CCDC3: variants seen among roughly 807,000 people sequenced by gnomAD.
CCDC3 encodes the protein coiled-coil domain containing 3.
CCDC3 carries 24 observed loss-of-function variants against 21.4 expected under a neutral mutation model. The observed-to-expected ratio is 1.12, with a 90% CI of 0.81 to 1.58. The LOEUF is 1.58. Among genes scored for constraint, CCDC3 ranks in the 40% most tolerant of loss-of-function variants. CCDC3 has a pLI of 0.00. For synonymous variants in CCDC3, 186 were observed against 166.0 expected (o/e 1.12, Z -0.93); for missense variants, 425 against 360.9 (o/e 1.18, Z -1.44).
chr10:13,030,084 C>T (rs1349790748), intron 5 of CCDC3, among the ~76,000 whole-genome samples: 1 of 152,144 alleles, frequency 6.6e-6, no homozygotes, highest in Non-Finnish European at 1.5e-5. Context: ...TTAAGGGCAG[C>T]CAGAGAGAAA....
chr10:13,045,113 A>G (rs1156816321), intron 5 of CCDC3, among the ~76,000 whole-genome samples: 2 of 152,096 alleles, frequency 1.3e-5, no homozygotes, highest in African/African-American at 4.8e-5. Context: ...TTAAACTTGT[A>G]TTTCCATTCT....
At chr10:13,046,821 T>G (rs1836536118) in intron 5 of CCDC3, among the ~76,000 whole-genome samples, 1 of 151,906 alleles carries the variant, frequency 6.6e-6, no homozygotes, top group Non-Finnish European at 1.5e-5. Flanking sequence ...TCATCGAAAA[T>G]ATTTAATGAT....
chr10:12,900,554 C>T (rs1018240603), intron 2 of CCDC3, among the ~76,000 whole-genome samples: 4 of 146,072 alleles, frequency 2.7e-5, no homozygotes, highest in Non-Finnish European at 6.0e-5. Context: ...AGCCGGGCGT[C>T]GTGGCGGGTG....
At chr10:12,953,392 C>T (rs904400011) in intron 2 of CCDC3, among the ~76,000 whole-genome samples, 11 of 152,174 alleles carry the variant, frequency 7.2e-5, no homozygotes, top group Non-Finnish European at 1.6e-4. Context: ...GACCCCCTCC[C>T]GCTCCACTAG....
intron 2 of CCDC3, among the ~76,000 whole-genome samples, chr10:12,950,066 T>C (rs1834985076): frequency 6.6e-6 from 1 of 152,210 alleles, no homozygotes; most frequent in East Asian, 1.9e-4. Context: ...CTCTTCTCCA[T>C]GCCTTCACTC....
chr10:12,921,831 C>A (rs1213618838), intron 2 of CCDC3, among the ~76,000 whole-genome samples: 1 of 152,154 alleles, frequency 6.6e-6, no homozygotes, highest in Non-Finnish European at 1.5e-5. Flanking sequence ...AGCCTCGAAA[C>A]TTCTGGGCTC....
intron 3 of CCDC3, among the ~76,000 whole-genome samples, chr10:13,095,647 A>G (rs540559748): frequency 6.6e-6 from 1 of 152,298 alleles, no homozygotes; most frequent in East Asian, 1.9e-4. Flanking sequence ...TGTTCGGTCT[A>G]GTTCCTGAGA....
chr10:13,099,024 T>C, intron 2 of CCDC3: 1 of 149,800 alleles, frequency 6.7e-6, no homozygotes, highest in Non-Finnish European at 1.5e-5. Context: ...CCTCCTGCAC[T>C]GATATAAAAA....
At chr10:12,995,834 G>A (rs1835754273) in intron 2 of CCDC3, among the ~76,000 whole-genome samples, 1 of 152,158 alleles carries the variant, frequency 6.6e-6, no homozygotes. Context: ...AAATAGATCT[G>A]CCTTCAGGCT....
intron 2 of CCDC3, among the ~76,000 whole-genome samples, chr10:12,949,753 C>T (rs1232292082): frequency 6.6e-6 from 1 of 152,176 alleles, no homozygotes; most frequent in Non-Finnish European, 1.5e-5. Context: ...AAAGACTATT[C>T]CAGTCTTAAT....
At chr10:13,028,650 G>C (rs1451999999) in intron 5 of CCDC3, among the ~76,000 whole-genome samples, 1 of 152,182 alleles carries the variant, frequency 6.6e-6, no homozygotes, top group Non-Finnish European at 1.5e-5. Context: ...GTATTGGAGT[G>C]AATTTGTGGA....
chr10:12,979,894 G>A (rs952709075), intron 2 of CCDC3, among the ~76,000 whole-genome samples: 1 of 152,146 alleles, frequency 6.6e-6, no homozygotes, highest in African/African-American at 2.4e-5. Context: ...GCACAGGCCT[G>A]TGCACTTTTG....
chr10:12,950,978 A>G (rs1300116582), intron 2 of CCDC3, among the ~76,000 whole-genome samples: 1 of 152,166 alleles, frequency 6.6e-6, no homozygotes, highest in Non-Finnish European at 1.5e-5. Context: ...CTTCCTCGAT[A>G]ACACGAAGGT....
At chr10:12,939,100 T>C (rs187607275) in intron 2 of CCDC3, among the ~76,000 whole-genome samples, 124 of 146,154 alleles carry the variant, frequency 8.5e-4, no homozygotes, top group Admixed American at 2.1e-3. Flanking sequence ...GTCAGCTCTC[T>C]TTCCCAGTCT....
intron 2 of CCDC3, among the ~76,000 whole-genome samples, chr10:12,991,666 T>C (rs553741659): frequency 1.1e-4 from 16 of 152,278 alleles, no homozygotes; most frequent in South Asian, 6.2e-4. Context: ...GCCAGTCAGA[T>C]AGAAATGTCA....
rs541556814 is a variant in CCDC3, at chr10:13,011,667, C to T, written c.-1-13155G>A. 3.2e-4 allele frequency among the ~76,000 whole-genome samples: 49 copies of T among 152,106 alleles called. 1 individual carries two copies. Among genetic ancestry groups the T allele is most frequent in the Non-Finnish European group, 5.7e-4 (39 of 68,008 alleles). On this transcript the variant is annotated intron_variant, in intron 5 of 6. Coordinates refer to the CCDC3 transcript ENST00000378839. ...TTTAGTGCTATTCCTATCAAACTACCCTGACATTGTTCACATAAGTAGGAA... is the reference window on the plus strand; with the variant it reads ...TTTAGTGCTATTCCTATCAAACTACTCTGACATTGTTCACATAAGTAGGAA...
intron 4 of CCDC3, among the ~76,000 whole-genome samples, chr10:13,070,695 T>C (rs1836871540): frequency 1.3e-5 from 2 of 152,186 alleles, no homozygotes; most frequent in Admixed American, 6.5e-5. Flanking sequence ...AGATTCTCTG[T>C]GGAACAAAGT....
At position 12,908,238 on chromosome 10, in the gene CCDC3, A is replaced by T. The variant is rs1286273918; in HGVS notation, c.550-9559T>A. The stretch of plus-strand genomic sequence containing the variant: ...GGGGACCAAAAGGGTGGTTCTGGTT[A>T]AAAAAGTTTCAGAAATGCTGCATAT... On this transcript the variant is annotated intron_variant, in intron 2 of 2. Coordinates refer to ENST00000378825, the MANE Select transcript of CCDC3 (RefSeq NM_031455.4). 2.6e-5 allele frequency among the ~76,000 whole-genome samples: 4 copies of T among 152,220 alleles called. No homozygotes were observed. In the East Asian group the frequency reaches 7.7e-4, roughly 29 times the overall value.
chr10:13,091,716 A>C (rs1467762201), intron 3 of CCDC3, among the ~76,000 whole-genome samples: 10 of 152,060 alleles, frequency 6.6e-5, no homozygotes, highest in African/African-American at 1.7e-4. Context: ...GCTTCCAAGC[A>C]TAACCCCTTT....
Sources: gnomAD v4.1 joint callset for allele counts (sites outside exome capture counted in the v4.1 genomes callset) on GRCh38, gnomAD v4.1.1 for gene constraint, MANE v1.5 for transcripts, NCBI Gene and HGNC (gene_info 2026-07-23, HGNC 2026-07-21) for gene names.